Variants in TSHZ2 observed in about 807,000 individuals in gnomAD.
The protein encoded by TSHZ2 is teashirt homolog 2.
Under a neutral mutation model 74.4 loss-of-function variants are expected in TSHZ2, and 21 were observed. The ratio of observed to expected loss-of-function variants is 0.28; its 90% CI spans 0.20 to 0.41. The LOEUF is 0.41. TSHZ2 is among the 10% of genes least tolerant of loss of function. TSHZ2 has a pLI of 1.00. For missense variants in TSHZ2, 1,244 were observed against 1,293.5 expected (o/e 0.96, Z 0.59); for synonymous variants, 540 against 515.3 (o/e 1.05, Z -0.65).
At chr20:53,335,614 T>A (rs1414893194) in intron 2 of TSHZ2, among the ~76,000 whole-genome samples, 1 of 152,208 alleles carries the variant, frequency 6.6e-6, no homozygotes, top group Non-Finnish European at 1.5e-5. Context: ...CAATCATTCG[T>A]TTGCAAGTGT....
At chr20:53,376,232 C>T (rs886968069) in intron 2 of TSHZ2, among the ~76,000 whole-genome samples, 4 of 152,160 alleles carry the variant, frequency 2.6e-5, no homozygotes. Context: ...ATAGGGTGGC[C>T]AACTGTCCTG....
At chr20:53,010,302 A>G (rs752632867) in intron 1 of TSHZ2, among the ~76,000 whole-genome samples, 40 of 152,206 alleles carry the variant, frequency 2.6e-4, no homozygotes, top group Non-Finnish European at 4.1e-4. Flanking sequence ...GAAAAGATTG[A>G]TCTTTGAACA....
rs374364980 is a variant in TSHZ2 at position 53,038,896 on chromosome 20, G to GTTTTTTT, written c.40+65566_40+65567insTTTTTTT. On this transcript the variant is annotated intron_variant, in intron 1 of 2. Coordinates refer to ENST00000371497, the MANE Select transcript of TSHZ2 (RefSeq NM_173485.6). ...TTTGTTTGTTTTGTTTTGTTTGTTT[G>GTTTTTTT]TTTGTTTGTTTGTTTTTGAGATGGA... 3.8e-3 allele frequency among the ~76,000 whole-genome samples: 537 copies of GTTTTTTT among 140,172 alleles called. 12 individuals carry two copies. The highest frequency in any genetic ancestry group is 0.016 in the African/African-American group (513 of 32,988). The allele number at this position is 140,172 out of a possible 152,430, so 92.0% of individuals were successfully genotyped here. A position where few individuals can be genotyped will look rare whatever the true frequency, so the allele number is the denominator to read the frequency against.
At chr20:53,460,186 A>C (rs1025875277) in intron 2 of TSHZ2, among the ~76,000 whole-genome samples, 15 of 151,852 alleles carry the variant, frequency 9.9e-5, no homozygotes, top group Non-Finnish European at 1.6e-4. Context: ...CATCACTTTC[A>C]GGTACACCAA....
At chr20:53,434,025 T>A (rs918790759) in intron 2 of TSHZ2, among the ~76,000 whole-genome samples, 2 of 152,128 alleles carry the variant, frequency 1.3e-5, no homozygotes, top group Non-Finnish European at 2.9e-5. Flanking sequence ...CATGCCACCA[T>A]GCTCAGCTAA....
chr20:53,127,088 A>C (rs1371739644), intron 1 of TSHZ2, among the ~76,000 whole-genome samples: 2 of 152,224 alleles, frequency 1.3e-5, no homozygotes, highest in Non-Finnish European at 2.9e-5. Context: ...GAGCGAATGA[A>C]TTAGCCAACC....
At chr20:52,975,010 C>G (rs1600624361) in intron 1 of TSHZ2, among the ~76,000 whole-genome samples, 1 of 152,106 alleles carries the variant, frequency 6.6e-6, no homozygotes, top group Non-Finnish European at 1.5e-5. Context: ...TCTTTCCTAC[C>G]GTTGTCTCTT....
chr20:53,402,968 G>A (rs1198624387), intron 2 of TSHZ2, among the ~76,000 whole-genome samples: 2 of 152,092 alleles, frequency 1.3e-5, no homozygotes, highest in Non-Finnish European at 2.9e-5. Flanking sequence ...TCAGATACAC[G>A]GGGTACATGT....
chr20:52,981,565 C>T (rs1383792077), intron 1 of TSHZ2, among the ~76,000 whole-genome samples: 1 of 152,144 alleles, frequency 6.6e-6, no homozygotes, highest in Non-Finnish European at 1.5e-5. Context: ...AAACAAGCAA[C>T]TTACCAGTTA....
At chr20:53,450,992 A>C (rs1180374279) in intron 2 of TSHZ2, among the ~76,000 whole-genome samples, 1 of 152,174 alleles carries the variant, frequency 6.6e-6, no homozygotes, top group Non-Finnish European at 1.5e-5. Flanking sequence ...AAAGACCATG[A>C]ATCTTCCTCT....
chr20:53,371,028 G>T (rs767322892), intron 2 of TSHZ2, among the ~76,000 whole-genome samples: 2 of 152,130 alleles, frequency 1.3e-5, no homozygotes, highest in African/African-American at 4.8e-5. Context: ...GGTTGCGGCC[G>T]CATCGCTCCA....
chr20:53,191,646 G>C (rs1489798073), intron 1 of TSHZ2, among the ~76,000 whole-genome samples: 1 of 152,234 alleles, frequency 6.6e-6, no homozygotes, highest in Non-Finnish European at 1.5e-5. Context: ...CTGGGTGACA[G>C]AGCCAGACTC....
chr20:53,303,039 C>T (rs1600799641), intron 2 of TSHZ2, among the ~76,000 whole-genome samples: 1 of 152,322 alleles, frequency 6.6e-6, no homozygotes, highest in African/African-American at 2.4e-5. Context: ...CTTCCAACCA[C>T]ATGTACCTTA....
rs1279399335 is a variant in TSHZ2, at chr20:53,494,955, G to A, written c.*7820G>A. ...CCAACTGCTGACATTGAGGACCTGG[G>A]TGTGTTCAATTATGATTTTGCTGGA... On this transcript the variant is annotated 3_prime_UTR_variant, in exon 3 of 3. Coordinates refer to ENST00000371497, the MANE Select transcript of TSHZ2 (RefSeq NM_173485.6). The A allele has an allele frequency of 6.6e-6, 1 of 152,102 alleles. No homozygotes were observed. The highest frequency in any genetic ancestry group is 2.1e-4 in the South Asian group (1 of 4,814). The allele number at this position is 152,102 out of a possible 1,614,324, so 9.4% of individuals were successfully genotyped here.
chr20:53,464,088 G>A (rs1404264959), intron 2 of TSHZ2, among the ~76,000 whole-genome samples: 2 of 152,146 alleles, frequency 1.3e-5, no homozygotes, highest in African/African-American at 4.8e-5. Context: ...TATCAAGGTA[G>A]AGCAATGGGC....
chr20:53,413,609 G>A (rs1294888791), intron 2 of TSHZ2, among the ~76,000 whole-genome samples: 5 of 152,308 alleles, frequency 3.3e-5, no homozygotes, highest in African/African-American at 9.6e-5. Flanking sequence ...TATGGGTAAA[G>A]CACTTAGAGA....
intron 2 of TSHZ2, among the ~76,000 whole-genome samples, chr20:53,329,531 T>C (rs939047153): frequency 2.0e-5 from 3 of 152,110 alleles, no homozygotes; most frequent in African/African-American, 7.2e-5. Flanking sequence ...CTGATGACTC[T>C]GGCATTTACT....
chr20:53,045,921 G>A (rs1984211918), intron 1 of TSHZ2, among the ~76,000 whole-genome samples: 1 of 152,182 alleles, frequency 6.6e-6, no homozygotes, highest in South Asian at 2.1e-4. Context: ...AGTAAGTGCT[G>A]TTGATGGACA....
Position 53,254,283 on chromosome 20 carries a change from G to A in TSHZ2, c.825G>A (p.Leu275=). 6.2e-7 allele frequency: 1 copy of A among 1,614,158 alleles called. No homozygotes were observed. The highest frequency in any genetic ancestry group is 8.5e-7 in the Non-Finnish European group (1 of 1,180,026). ...DMDKEDAQKV[L]KCMFCGDSFD... ...ACAAAGAGGATGCTCAAAAGGTTCT[G>A]AAATGTATGTTTTGTGGCGACTCCT... Residue 275 remains leucine (L), a synonymous_variant, in exon 2 of 3, where the codon CTG becomes CTA. Coordinates refer to ENST00000371497, the MANE Select transcript of TSHZ2 (RefSeq NM_173485.6).
Sources: gnomAD v4.1 joint callset for allele counts (sites outside exome capture counted in the v4.1 genomes callset) on GRCh38, gnomAD v4.1.1 for gene constraint, MANE v1.5 for transcripts, NCBI Gene and HGNC (gene_info 2026-07-23, HGNC 2026-07-21) for gene names.